Variants in NRXN1 observed in about 807,000 individuals in gnomAD.
The protein encoded by NRXN1 is neurexin 1.
Under a neutral mutation model 150.9 loss-of-function variants are expected in NRXN1, and 39 were observed. The observed-to-expected ratio is 0.26, with a 90% CI of 0.20 to 0.34. NRXN1 has a LOEUF of 0.34. Ranked by LOEUF, NRXN1 falls within the 10% of genes least tolerant of loss-of-function variation. NRXN1 has a pLI of 1.00. For synonymous variants in NRXN1, 924 were observed against 757.0 expected (o/e 1.22, Z -3.62); for missense variants, 1,815 against 1,949.9 (o/e 0.93, Z 1.30).
At chr2:49,952,492 G>A (rs540176137) in intron 21 of NRXN1, among the ~76,000 whole-genome samples, 3 of 151,990 alleles carry the variant, frequency 2.0e-5, no homozygotes, top group South Asian at 2.1e-4. Flanking sequence ...CAGTTATTTT[G>A]AAATGGAGTT....
In NRXN1 at chr2:50,556,285, G is replaced by A. The variant is rs549021309; in HGVS notation, c.1321-3260C>T. On this transcript the variant is annotated intron_variant, in intron 8 of 22. Transcript: ENST00000401669. ...TATTCTAACTCCTCTAAAAATTCAT[G>A]TGTAAGCTATTTTTGCTTCTTTCTG... Among the ~76,000 whole-genome samples, 23 of 152,172 alleles carry A rather than the reference G, an allele frequency of 1.5e-4. No homozygotes were observed. The South Asian group carries it at 2.1e-3, about 14-fold the overall frequency.
chr2:50,791,892 A>C (rs1706101587), intron 5 of NRXN1, among the ~76,000 whole-genome samples: 1 of 152,112 alleles, frequency 6.6e-6, no homozygotes, highest in African/African-American at 2.4e-5. Context: ...AGCCTGAAGT[A>C]AACCTCTAAA....
chr2:50,875,681 G>A (rs1406650877), intron 5 of NRXN1, among the ~76,000 whole-genome samples: 1 of 151,724 alleles, frequency 6.6e-6, no homozygotes, highest in Non-Finnish European at 1.5e-5. Flanking sequence ...TTTCTTAGAG[G>A]TAAGCAGAGA....
chr2:50,810,387 C>T (rs1668050538), intron 5 of NRXN1, among the ~76,000 whole-genome samples: 1 of 152,098 alleles, frequency 6.6e-6, no homozygotes, highest in African/African-American at 2.4e-5. Context: ...CTTTGCAGTT[C>T]TCTGAAACTT....
chr2:50,121,690 G>T (rs965527211), intron 18 of NRXN1, among the ~76,000 whole-genome samples: 1 of 152,086 alleles, frequency 6.6e-6, no homozygotes, highest in Non-Finnish European at 1.5e-5. Flanking sequence ...CAAAACTGTG[G>T]GATATAGACT....
chr2:49,989,779 T>TATAACTTTATTAA (rs1681605233), intron 21 of NRXN1, among the ~76,000 whole-genome samples: 2 of 152,180 alleles, frequency 1.3e-5, no homozygotes, highest in South Asian at 2.1e-4. Flanking sequence ...AAGTTATGAT[T>TATAACTTTATTAA]GGTAGGAAAG....
intron 8 of NRXN1, among the ~76,000 whole-genome samples, chr2:50,612,888 T>C (rs1678424014): frequency 6.6e-6 from 1 of 152,188 alleles, no homozygotes; most frequent in Non-Finnish European, 1.5e-5. Context: ...AGGAGGATTT[T>C]TGCAGTCTAC....
intron 22 of NRXN1, among the ~76,000 whole-genome samples, chr2:49,942,754 T>C (rs1433548631): frequency 6.6e-6 from 1 of 152,072 alleles, no homozygotes; most frequent in Admixed American, 6.5e-5. Context: ...GGATTACAGG[T>C]GCACAGCACC....
chr2:50,746,666 G>A (rs190125241), intron 5 of NRXN1, among the ~76,000 whole-genome samples: 132 of 152,230 alleles, frequency 8.7e-4, no homozygotes, highest in Non-Finnish European at 1.4e-3. Context: ...CAGAGACTGG[G>A]GGCTGCTTTT....
chr2:50,108,585 GA>G (rs1701975355), intron 18 of NRXN1, among the ~76,000 whole-genome samples: 1 of 151,936 alleles, frequency 6.6e-6, no homozygotes, highest in Non-Finnish European at 1.5e-5. Flanking sequence ...GGACAAATGA[GA>G]AAAAAGCAAA....
intron 21 of NRXN1, among the ~76,000 whole-genome samples, chr2:49,955,782 T>C (rs1338209983): frequency 6.6e-6 from 1 of 152,136 alleles, no homozygotes; most frequent in Non-Finnish European, 1.5e-5. Flanking sequence ...GCTTTATCTT[T>C]TTCCTGAAAG....
intron 15 of NRXN1, among the ~76,000 whole-genome samples, chr2:50,478,001 G>A (rs1162882587): frequency 6.6e-6 from 1 of 151,992 alleles, no homozygotes; most frequent in Non-Finnish European, 1.5e-5. Context: ...GGTGCCTTTC[G>A]GGGAACAATC....
At chr2:50,504,343 T>TA (rs968296709) in intron 13 of NRXN1, among the ~76,000 whole-genome samples, 4 of 152,042 alleles carry the variant, frequency 2.6e-5, no homozygotes, top group African/African-American at 9.7e-5. Flanking sequence ...TTCCCATTTT[T>TA]AAAAAATACA....
At chr2:50,818,448 TA>T (rs986644553) in intron 5 of NRXN1, among the ~76,000 whole-genome samples, 1 of 151,968 alleles carries the variant, frequency 6.6e-6, no homozygotes, top group African/African-American at 2.4e-5. Flanking sequence ...AAAATTGGTT[TA>T]ATTTTTTATT....
At chr2:50,697,548 C>T (rs780705090) in intron 5 of NRXN1, among the ~76,000 whole-genome samples, 5 of 152,144 alleles carry the variant, frequency 3.3e-5, no homozygotes, top group Non-Finnish European at 7.4e-5. Flanking sequence ...CTGCCTGTTA[C>T]TTCCTCTGTG....
chr2:50,623,662 G>T, intron 5 of NRXN1, 47 bp from the exon 6 acceptor site: 1 of 1,374,112 alleles, frequency 7.3e-7, no homozygotes, highest in Non-Finnish European at 1.0e-6. Context: ...AATACACTAT[G>T]CAAATCAGCA....
rs561760050 is a variant in NRXN1 at position 50,497,765 on chromosome 2, C to G, written c.2498-51G>C. 2.7e-6 allele frequency: 4 copies of G among 1,508,478 alleles called. No homozygotes were observed. In the East Asian group the frequency reaches 6.8e-5, roughly 26 times the overall value. 93.4% of individuals were successfully genotyped at this position (1,508,478 alleles called of 1,614,324 possible). A position where few individuals can be genotyped will look rare whatever the true frequency, so the allele number is the denominator to read the frequency against. ...ATTTTCTGTATCTGAAAGGCACTTT[C>G]AACTTTAGGCTTTCATAACAATATC... is the stretch of plus-strand genomic sequence containing the variant. On this transcript the variant is annotated intron_variant, in intron 13 of 22. Transcript: ENST00000401669.
At chr2:50,609,634 T>C (rs1165196944) in intron 8 of NRXN1, among the ~76,000 whole-genome samples, 4 of 152,164 alleles carry the variant, frequency 2.6e-5, no homozygotes, top group Non-Finnish European at 4.4e-5. Flanking sequence ...GATTGGAATC[T>C]GGGAGTGTCT....
Position 49,920,818 on chromosome 2 carries a change from ACTTT to A in NRXN1, c.*1122_*1125del, listed in dbSNP as rs1012197190. 1 of 151,608 alleles carries A rather than the reference ACTTT, an allele frequency of 6.6e-6. No individual in the cohort carries two copies. Among genetic ancestry groups the A allele is most frequent in the Non-Finnish European group, 1.5e-5 (1 of 67,946 alleles). 9.4% of individuals were successfully genotyped at this position (151,608 alleles called of 1,614,324 possible). A position where few individuals can be genotyped will look rare whatever the true frequency, so the allele number is the denominator to read the frequency against. ...TATAAGATACATATGTATATATGTG[ACTTT>A]CTAATTCACACCTTTCATACAAGTA... On this transcript the variant is annotated 3_prime_UTR_variant, in exon 23 of 23. Coordinates refer to ENST00000401669, the MANE Select transcript of NRXN1 (RefSeq NM_001330078.2).
Sources: allele counts gnomAD v4.1 joint callset (sites outside exome capture counted in the v4.1 genomes callset), GRCh38; gene constraint gnomAD v4.1.1; transcripts MANE v1.5; gene names NCBI Gene and HGNC (gene_info 2026-07-23, HGNC 2026-07-21).